STXBP5L: variants seen among roughly 807,000 people sequenced by gnomAD.
The protein encoded by STXBP5L is syntaxin-binding protein 5-like.
In STXBP5L, 65 loss-of-function variants were observed where a neutral mutation model predicts 144.5. The observed-to-expected ratio is 0.45, with a 90% CI of 0.37 to 0.55. The LOEUF is 0.55. Among genes scored for constraint, STXBP5L ranks in the 20% least tolerant of loss-of-function variants. The probability of loss-of-function intolerance (pLI) is 0.00; values close to 1 mark genes in which losing one functional copy is unlikely to be tolerated. For missense variants in STXBP5L, 1,298 were observed against 1,405.5 expected, an observed-to-expected ratio of 0.92 and a Z score of 1.22; for synonymous variants, 505 against 469.6, an observed-to-expected ratio of 1.08 and a Z score of -0.97.
At position 121,157,540 on chromosome 3, in the gene STXBP5L, C is replaced by A; in HGVS notation, c.790C>A (p.Gln264Lys). The change falls in exon 9 of 27, where the codon CAG becomes AAG. Residue 264 changes from glutamine (Q) to lysine (K), a missense_variant. Gln to Lys is a moderately conservative substitution (Grantham distance 53). Coordinates refer to ENST00000471454, the MANE Select transcript of STXBP5L (RefSeq NM_001308330.2). ...AATTGATTGGCATCATGAGGGCAAACAGTTCATGTGCAGCCATTCAGATGG... is the reference window on the plus strand; with the variant it reads ...AATTGATTGGCATCATGAGGGCAAAAAGTTCATGTGCAGCCATTCAGATGG... ...HSIDWHHEGK[Q>K]FMCSHSDGSL... is the part of the protein sequence containing the mutation. 1 of 1,594,324 alleles carries A rather than the reference C, an allele frequency of 6.3e-7. No homozygotes were observed. Among genetic ancestry groups the A allele is most frequent in the Non-Finnish European group, 8.5e-7 (1 of 1,172,562 alleles).
chr3:121,417,548 C>T (rs1205309472), intron 25 of STXBP5L, among the ~76,000 whole-genome samples: 1 of 152,176 alleles, frequency 6.6e-6, no homozygotes, highest in Non-Finnish European at 1.5e-5. Context: ...CCACTGCAAC[C>T]TTCACCTCCC....
intron 5 of STXBP5L, among the ~76,000 whole-genome samples, chr3:121,082,351 A>AT (rs2042289360): frequency 2.0e-5 from 3 of 151,656 alleles, no homozygotes; most frequent in African/African-American, 7.3e-5. Context: ...ATACCTATGT[A>AT]TTTTTTTGAT....
intron 2 of STXBP5L, among the ~76,000 whole-genome samples, chr3:120,944,843 A>G (rs1476440097): frequency 6.6e-6 from 1 of 151,882 alleles, no homozygotes; most frequent in Non-Finnish European, 1.5e-5. Context: ...CCAAGAGAGC[A>G]GGAAATTATT....
intron 6 of STXBP5L, among the ~76,000 whole-genome samples, chr3:121,118,091 C>A (rs1046574428): frequency 1.3e-5 from 2 of 151,608 alleles, no homozygotes; most frequent in South Asian, 4.1e-4. Context: ...ATCATTCAAG[C>A]ATGTTTACTG....
chr3:121,261,451 T>C (rs2050378342), intron 18 of STXBP5L, among the ~76,000 whole-genome samples: 2 of 152,150 alleles, frequency 1.3e-5, no homozygotes, highest in Admixed American at 1.3e-4. Flanking sequence ...ATGCAAAAAC[T>C]TGAAAAGGGT....
At chr3:121,090,224 G>T (rs951545211) in intron 5 of STXBP5L, among the ~76,000 whole-genome samples, 1 of 152,038 alleles carries the variant, frequency 6.6e-6, no homozygotes, top group East Asian at 1.9e-4. Flanking sequence ...GGTCTGGCAG[G>T]GGAAGGTCAG....
At chr3:120,914,222 T>C (rs758158736) in intron 2 of STXBP5L, among the ~76,000 whole-genome samples, 1 of 151,940 alleles carries the variant, frequency 6.6e-6, no homozygotes, top group Non-Finnish European at 1.5e-5. Context: ...TAACAAAAGA[T>C]AAAAATAAGT....
chr3:121,398,086 C>T (rs547759894), intron 22 of STXBP5L, among the ~76,000 whole-genome samples: 11 of 152,272 alleles, frequency 7.2e-5, no homozygotes, highest in South Asian at 2.1e-4. Context: ...TTACTTTTTC[C>T]GATTCCCACA....
intron 3 of STXBP5L, among the ~76,000 whole-genome samples, chr3:121,020,141 G>C (rs1387949136): frequency 1.3e-5 from 2 of 151,988 alleles, no homozygotes; most frequent in Non-Finnish European, 2.9e-5. Flanking sequence ...CACTGGAAAG[G>C]CTCGGCAATA....
intron 20 of STXBP5L, among the ~76,000 whole-genome samples, chr3:121,372,278 A>T (rs2046055136): frequency 6.6e-6 from 1 of 152,128 alleles, no homozygotes; most frequent in African/African-American, 2.4e-5. Context: ...GCTCTGTCTC[A>T]TGGGCAAGAC....
At chr3:121,000,508 A>G (rs1222277849) in intron 3 of STXBP5L, among the ~76,000 whole-genome samples, 1 of 152,084 alleles carries the variant, frequency 6.6e-6, no homozygotes, top group East Asian at 1.9e-4. Context: ...CTGCTCTTGA[A>G]TTGTTTTACT....
At chr3:121,362,682 G>C (rs917449221) in intron 20 of STXBP5L, among the ~76,000 whole-genome samples, 1 of 152,254 alleles carries the variant, frequency 6.6e-6, no homozygotes, top group South Asian at 2.1e-4. Context: ...TAAGAGTCAT[G>C]TCCTGGAATC....
intron 9 of STXBP5L, among the ~76,000 whole-genome samples, chr3:121,197,039 T>A (rs561813648): frequency 9.8e-5 from 15 of 152,334 alleles, no homozygotes; most frequent in Middle Eastern, 3.4e-3. Flanking sequence ...CTTATGGCTA[T>A]AAATTTTCCT....
chr3:121,283,195 T>G (rs1357881757), intron 19 of STXBP5L, among the ~76,000 whole-genome samples: 1 of 152,032 alleles, frequency 6.6e-6, no homozygotes, highest in Admixed American at 6.6e-5. Flanking sequence ...CTCACACATA[T>G]ATGTTGTTTG....
At chr3:121,029,217 G>A (rs1380030648) in intron 3 of STXBP5L, among the ~76,000 whole-genome samples, 2 of 152,128 alleles carry the variant, frequency 1.3e-5, no homozygotes, top group African/African-American at 4.8e-5. Flanking sequence ...AGCCCATATA[G>A]CCAAGACAAT....
At chr3:121,357,534 G>A (rs1486131604) in intron 20 of STXBP5L, 1 of 152,308 alleles carries the variant, frequency 6.6e-6, no homozygotes, top group South Asian at 2.1e-4. Context: ...ATAGCTTGGT[G>A]CCACTGGAGA....
intron 3 of STXBP5L, among the ~76,000 whole-genome samples, chr3:120,965,235 T>C (rs1939414926): frequency 6.6e-6 from 1 of 152,236 alleles, no homozygotes; most frequent in Non-Finnish European, 1.5e-5. Flanking sequence ...GTTTATCCAA[T>C]TTGCCAGTCT....
chr3:121,207,809 C>T (rs1243497498), intron 10 of STXBP5L, among the ~76,000 whole-genome samples: 3 of 149,468 alleles, frequency 2.0e-5, no homozygotes, highest in East Asian at 1.9e-4. Context: ...GTTAGAATGG[C>T]GATCATTAAA....
intron 3 of STXBP5L, among the ~76,000 whole-genome samples, chr3:121,017,214 A>G (rs1382834593): frequency 6.6e-6 from 1 of 152,178 alleles, no homozygotes; most frequent in Non-Finnish European, 1.5e-5. Context: ...ATGCAGAGTA[A>G]GCATTGCATT....
Sources: gnomAD v4.1 joint callset for allele counts (sites outside exome capture counted in the v4.1 genomes callset) on GRCh38, gnomAD v4.1.1 for gene constraint, MANE v1.5 for transcripts, NCBI Gene and HGNC (gene_info 2026-07-23, HGNC 2026-07-21) for gene names.